Variants in DRC4 observed in about 807,000 individuals in gnomAD.
The protein encoded by DRC4 is GAS-11.
At chr16:90,038,793 C>T in the DRC4 span, among the ~76,000 whole-genome samples, 3 of 152,306 alleles carry the variant, frequency 2.0e-5, no homozygotes, top group Admixed American at 6.5e-5. Context: ...GTGCTCGGTC[C>T]TGTCTCTGTC....
the DRC4 span, chr16:90,036,700 T>A: frequency 1.1e-6 from 1 of 919,734 alleles, no homozygotes; most frequent in African/African-American, 1.6e-5. Context: ...CAGTACTTTT[T>A]ATAAGATTGT....
the DRC4 span, among the ~76,000 whole-genome samples, chr16:90,040,796 C>T: frequency 1.4e-4 from 21 of 151,688 alleles, no homozygotes; most frequent in African/African-American, 4.8e-4. Context: ...TGGAGAGCCG[C>T]CAGGAGGCTG....
the DRC4 span, among the ~76,000 whole-genome samples, chr16:90,020,479 T>G: frequency 3.9e-5 from 6 of 152,238 alleles, no homozygotes; most frequent in Non-Finnish European, 8.8e-5. Context: ...GGTTTGTTTG[T>G]ATTAACATTT....
chr16:90,043,103 A>T, the DRC4 span: 1 of 1,401,228 alleles, frequency 7.1e-7, no homozygotes, highest in Non-Finnish European at 9.7e-7. Context: ...CTGCACCGTG[A>T]TGCTCACGCT....
chr16:90,042,670 G>T, the DRC4 span: 1 of 711,786 alleles, frequency 1.4e-6, no homozygotes, highest in Non-Finnish European at 2.5e-6. Context: ...CTGTCCCCAC[G>T]TGAGGGTGCA....
At chr16:90,029,189 T>TGGGGCAGCCTACGGGACAGGCTGC in the DRC4 span, 4 of 1,340,270 alleles carry the variant, frequency 3.0e-6, no homozygotes, top group South Asian at 4.8e-5. Context: ...GGGCAGGCTA[T>TGGGGCAGCCTACGGGACAGGCTGC]GGGGCAGCCT....
chr16:90,023,532 A>G, the DRC4 span, among the ~76,000 whole-genome samples: 1 of 152,232 alleles, frequency 6.6e-6, no homozygotes, highest in Non-Finnish European at 1.5e-5. Flanking sequence ...CCCAAATGCT[A>G]AGTAATGCTG....
chr16:90,039,714 A>T, the DRC4 span: 1 of 165,316 alleles, frequency 6.0e-6, no homozygotes, highest in African/African-American at 2.4e-5. Context: ...TATAGTCTTC[A>T]ACAAAGTCTA....
the DRC4 span, chr16:90,028,028 T>G: frequency 2.7e-6 from 1 of 365,082 alleles, no homozygotes; most frequent in Admixed American, 4.2e-5. Context: ...ACCCTTTTTT[T>G]GCACCTGATG....
At chr16:90,029,386 G>GT in the DRC4 span, 4 of 1,109,484 alleles carry the variant, frequency 3.6e-6, no homozygotes, top group South Asian at 5.3e-5. Context: ...GTTCAGTGCT[G>GT]TTTTTTTCTG....
the DRC4 span, among the ~76,000 whole-genome samples, chr16:90,026,304 G>A: frequency 6.6e-6 from 1 of 152,072 alleles, no homozygotes; most frequent in Admixed American, 6.5e-5. Context: ...AGGGGGTGGG[G>A]TTAGAAGGTT....
chr16:90,027,856 C>T, the DRC4 span: 1 of 738,356 alleles, frequency 1.4e-6, no homozygotes, highest in Non-Finnish European at 2.3e-6. Context: ...CCCGCGTGGC[C>T]CATAATTCCC....
chr16:90,041,930 C>G, the DRC4 span, among the ~76,000 whole-genome samples: 1 of 152,134 alleles, frequency 6.6e-6, no homozygotes, highest in Non-Finnish European at 1.5e-5. Context: ...TTCTTGTGGT[C>G]TGGACTGCTC....
the DRC4 span, chr16:90,043,091 T>C: frequency 1.5e-6 from 2 of 1,323,860 alleles, no homozygotes; most frequent in South Asian, 1.4e-5. Context: ...GGCTTTATCC[T>C]TCTGCACCGT....
At chr16:90,031,542 C>G in the DRC4 span, 1 of 1,515,980 alleles carries the variant, frequency 6.6e-7, no homozygotes, top group East Asian at 2.5e-5. Flanking sequence ...ACCACAGAGC[C>G]CCAGAGGAGC....
chr16:90,037,907 A>G, the DRC4 span: 1 of 1,460,594 alleles, frequency 6.8e-7, no homozygotes. Flanking sequence ...ACGGTTCACC[A>G]AGTTCACCAA....
the DRC4 span, chr16:90,040,329 G>A: frequency 6.3e-7 from 1 of 1,598,628 alleles, no homozygotes; most frequent in Admixed American, 1.7e-5. Context: ...AGCTCTATCG[G>A]AAGTTCACCG....
chr16:90,034,772 G>T, the DRC4 span, among the ~76,000 whole-genome samples: 1 of 151,450 alleles, frequency 6.6e-6, no homozygotes, highest in African/African-American at 2.4e-5. Context: ...CTCCCGGGCT[G>T]CAGTGCAATG....
At chr16:90,032,844 C>T in the DRC4 span, 18 of 1,613,758 alleles carry the variant, frequency 1.1e-5, no homozygotes, top group East Asian at 4.5e-5. Flanking sequence ...GAGTGTGCTG[C>T]GCAAGGACAT....
Sources: gnomAD v4.1 joint callset for allele counts (sites outside exome capture counted in the v4.1 genomes callset) on GRCh38, gnomAD v4.1.1 for gene constraint, MANE v1.5 for transcripts, NCBI Gene and HGNC (gene_info 2026-07-23, HGNC 2026-07-21) for gene names.